Variants in HERC4 observed in about 807,000 individuals in gnomAD.
HERC4 encodes HECT and RLD domain containing E3 ubiquitin protein ligase 4.
A neutral mutation model predicts 124.3 loss-of-function variants in HERC4; 28 were observed. The observed-to-expected ratio is 0.23, with a 90% CI of 0.17 to 0.31. HERC4 has a LOEUF of 0.31. HERC4 is among the 10% of genes least tolerant of loss of function. HERC4 has a pLI of 1.00. For synonymous variants in HERC4, 407 were observed against 421.5 expected, an observed-to-expected ratio of 0.97 and a Z score of 0.42; for missense variants, 713 against 1,229.3, an observed-to-expected ratio of 0.58 and a Z score of 6.28.
At chr10:67,935,131 T>C (rs1179591085) in intron 22 of HERC4, among the ~76,000 whole-genome samples, 2 of 152,026 alleles carry the variant, frequency 1.3e-5, no homozygotes, top group East Asian at 3.9e-4. Context: ...CTGTTGACCT[T>C]TGGCTATCGA....
intron 19 of HERC4, among the ~76,000 whole-genome samples, chr10:67,951,444 T>C (rs1344037599): frequency 5.9e-5 from 9 of 152,218 alleles, no homozygotes; most frequent in Admixed American, 2.6e-4. Flanking sequence ...TATGGCATTG[T>C]GGGATGCCCT....
chr10:67,986,277 A>T (rs2036253618), intron 15 of HERC4, among the ~76,000 whole-genome samples: 1 of 152,250 alleles, frequency 6.6e-6, no homozygotes, highest in Non-Finnish European at 1.5e-5. Context: ...CTTCAAGTCA[A>T]AAGTAGTGGT....
In HERC4 at chr10:67,992,233, A is replaced by G; in HGVS notation, c.1237T>C (p.Tyr413His). 6.2e-7 allele frequency: 1 copy of G among 1,614,104 alleles called. No homozygotes were observed. Among genetic ancestry groups the G allele is most frequent in the South Asian group, 1.1e-5 (1 of 91,090 alleles). ...NEALIQKWLSYPSGRFPVEIA... is the reference protein window; with the variant it reads ...NEALIQKWLSHPSGRFPVEIA... The stretch of plus-strand genomic sequence containing the variant: ...TCCACAGGAAACCTTCCAGAAGGAT[A>G]GCTCAGCCATTTCTGAATTAGAGCT... Residue 413 changes from tyrosine to histidine, a missense_variant, in exon 11 of 25, where the codon TAT becomes CAT. By Grantham distance (83) the Tyr-to-His change is moderately conservative (BLOSUM62 2). Coordinates refer to ENST00000373700, the MANE Select transcript of HERC4 (RefSeq NM_015601.4).
At chr10:67,976,429 T>G (rs775646105) in intron 15 of HERC4, among the ~76,000 whole-genome samples, 1 of 152,192 alleles carries the variant, frequency 6.6e-6, no homozygotes, top group South Asian at 2.1e-4. Context: ...TATTTTTGTT[T>G]ATCTTACTTA....
At chr10:68,045,216 G>C (rs181110830) in intron 3 of HERC4, among the ~76,000 whole-genome samples, 2 of 152,096 alleles carry the variant, frequency 1.3e-5, no homozygotes, top group Admixed American at 1.3e-4. Context: ...CCAGCTATTC[G>C]GGAGGCTGAA....
intron 16 of HERC4, among the ~76,000 whole-genome samples, chr10:67,959,931 G>A (rs920857674): frequency 3.9e-5 from 6 of 152,212 alleles, no homozygotes; most frequent in African/African-American, 1.4e-4. Flanking sequence ...GGTGCCTTGT[G>A]TTGTGAGGAA....
intron 6 of HERC4, among the ~76,000 whole-genome samples, chr10:68,033,102 C>T (rs374539365): frequency 1.1e-4 from 16 of 152,156 alleles, no homozygotes; most frequent in African/African-American, 3.9e-4. Flanking sequence ...TGCCAGTATG[C>T]AAAGGACTCA....
In HERC4 at chr10:68,074,648, A is replaced by G. The variant is rs577181299; in HGVS notation, c.-109+496T>C. ...TGGGAAAGAGAAATCATCTGCACAC[A>G]CCCAACCTCGCAGCCAAGCAGACGA... On this transcript the variant is annotated intron_variant, in intron 1 of 24. Coordinates refer to ENST00000373700, the MANE Select transcript of HERC4 (RefSeq NM_015601.4). 7 of 152,310 alleles carry G rather than the reference A, an allele frequency of 4.6e-5. No homozygotes were observed. In the East Asian group the frequency reaches 1.4e-3, roughly 29 times the overall value. 9.4% of individuals were successfully genotyped at this position (152,310 alleles called of 1,614,324 possible).
intron 19 of HERC4, among the ~76,000 whole-genome samples, chr10:67,948,127 G>A (rs967792250): frequency 1.1e-4 from 15 of 132,592 alleles, no homozygotes; most frequent in Admixed American, 2.5e-4. Flanking sequence ...GAAACTAATA[G>A]TTGTAAACAC....
At chr10:67,967,306 A>G (rs573383248) in intron 15 of HERC4, among the ~76,000 whole-genome samples, 1 of 152,310 alleles carries the variant, frequency 6.6e-6, no homozygotes, top group East Asian at 1.9e-4. Flanking sequence ...GTAAGATGTG[A>G]TATCTGCATT....
At chr10:67,934,843 A>G (rs1403004480) in intron 22 of HERC4, among the ~76,000 whole-genome samples, 2 of 147,916 alleles carry the variant, frequency 1.4e-5, no homozygotes, top group Admixed American at 1.3e-4. Context: ...TTGTCTTGGT[A>G]TTGATCTTTT....
intron 23 of HERC4, among the ~76,000 whole-genome samples, chr10:67,927,482 G>C (rs2031257224): frequency 1.4e-5 from 2 of 141,808 alleles, no homozygotes; most frequent in African/African-American, 5.5e-5. Flanking sequence ...CTGGAATACA[G>C]TGGCACGATC....
chr10:67,990,913 T>G lies in HERC4; in HGVS notation c.1434A>C (p.Ile478=). 1.9e-6 allele frequency: 3 copies of G among 1,588,764 alleles called. No homozygotes were observed. The highest frequency in any genetic ancestry group is 2.6e-6 in the Non-Finnish European group (3 of 1,163,880). The change falls in exon 13 of 25, where the codon ATA becomes ATC. Residue 478 remains isoleucine, a synonymous_variant. Coordinates refer to ENST00000373700, the MANE Select transcript of HERC4 (RefSeq NM_015601.4). ...HKLIQPDHPQ[I]SQQVAASLEK... ...TACTTTAAAAACAGACCTGCTGAGA[T>G]ATCTGCGGATGATCAGGTTGTATAA... is the stretch of plus-strand genomic sequence containing the variant.
chr10:67,990,573 T>C (rs1489729791), intron 13 of HERC4, among the ~76,000 whole-genome samples, 173 bp from the exon 14 acceptor site: 10 of 151,910 alleles, frequency 6.6e-5, no homozygotes, highest in Non-Finnish European at 1.3e-4. Flanking sequence ...TGAATATACT[T>C]TGGAGCACAA....
chr10:68,062,492 C>T (rs1432064422), intron 3 of HERC4, among the ~76,000 whole-genome samples: 1 of 152,054 alleles, frequency 6.6e-6, no homozygotes, highest in Non-Finnish European at 1.5e-5. Context: ...CGGTGGCTCA[C>T]GCCTGTAATC....
chr10:68,036,509 T>C (rs2039479177), intron 5 of HERC4, among the ~76,000 whole-genome samples: 1 of 152,046 alleles, frequency 6.6e-6, no homozygotes, highest in African/African-American at 2.4e-5. Flanking sequence ...ACACAGAGAT[T>C]CCATGTTCCT....
intron 3 of HERC4, among the ~76,000 whole-genome samples, chr10:68,061,678 A>T (rs1300535527): frequency 1.3e-5 from 2 of 151,646 alleles, no homozygotes; most frequent in African/African-American, 4.8e-5. Context: ...CAGGAGTTCG[A>T]GACCAGCCTG....
intron 8 of HERC4, among the ~76,000 whole-genome samples, chr10:68,016,125 G>C (rs1305116049): frequency 6.6e-6 from 1 of 152,018 alleles, no homozygotes; most frequent in African/African-American, 2.4e-5. Context: ...ATATATGTGT[G>C]TGTGATTATA....
chr10:68,035,086 TAC>T (rs1244539156), intron 5 of HERC4, among the ~76,000 whole-genome samples: 1 of 152,044 alleles, frequency 6.6e-6, no homozygotes, highest in Non-Finnish European at 1.5e-5. Context: ...AACAAAATAG[TAC>T]ACACTTAAAA....
Sources: gnomAD v4.1 joint callset for allele counts (sites outside exome capture counted in the v4.1 genomes callset) on GRCh38, gnomAD v4.1.1 for gene constraint, MANE v1.5 for transcripts, NCBI Gene and HGNC (gene_info 2026-07-23, HGNC 2026-07-21) for gene names.